Variants in CSGALNACT1 observed in about 807,000 individuals in gnomAD.
CSGALNACT1 encodes beta4GalNAcT-1.
In CSGALNACT1, 52 loss-of-function variants were observed where a neutral mutation model predicts 51.0. The observed-to-expected ratio is 1.02, with a 90% CI of 0.82 to 1.29. The LOEUF (loss-of-function observed/expected upper bound fraction) is 1.29. Ranked by LOEUF, CSGALNACT1 falls within the 50% of genes most tolerant of loss-of-function variation. CSGALNACT1 has a pLI of 0.00. For missense variants in CSGALNACT1, 935 were observed against 679.2 expected, an observed-to-expected ratio of 1.38 and a Z score of -4.19; for synonymous variants, 341 against 254.4, an observed-to-expected ratio of 1.34 and a Z score of -3.24.
chr8:19,658,359 AATTT>A (rs2058472895), intron 1 of CSGALNACT1, among the ~76,000 whole-genome samples: 2 of 152,298 alleles, frequency 1.3e-5, no homozygotes, highest in Admixed American at 6.5e-5. Flanking sequence ...TGATTAATAT[AATTT>A]ATTATTTCAC....
At position 19,669,448 on chromosome 8, in the gene CSGALNACT1, T is replaced by A. The variant is rs1589405743; in HGVS notation, c.-544+13025A>T. The stretch of plus-strand genomic sequence containing the variant: ...AAACCGTTTCTAATTTTTTTGTTGT[T>A]GTTTGTTTGGTTTTTATTTTGGAGA... On this transcript the variant is annotated intron_variant, in intron 1 of 9. Transcript: ENST00000332246. 3.3e-5 allele frequency among the ~76,000 whole-genome samples: 5 copies of A among 152,274 alleles called. No individual in the cohort carries two copies. The South Asian group carries it at 1.0e-3, about 32-fold the overall frequency.
At chr8:19,731,782 G>C (rs959248195) in intron 1 of CSGALNACT1, among the ~76,000 whole-genome samples, 1 of 152,104 alleles carries the variant, frequency 6.6e-6, no homozygotes, top group Non-Finnish European at 1.5e-5. Context: ...TCTAATTCTT[G>C]ATCAAGAAAC....
intron 1 of CSGALNACT1, among the ~76,000 whole-genome samples, chr8:19,679,890 T>C (rs1279625943): frequency 6.6e-6 from 1 of 152,216 alleles, no homozygotes; most frequent in Non-Finnish European, 1.5e-5. Flanking sequence ...GTGAGGAATG[T>C]GCACTGAATT....
intron 2 of CSGALNACT1, among the ~76,000 whole-genome samples, chr8:19,592,146 T>C (rs1466614772): frequency 2.0e-5 from 3 of 152,178 alleles, no homozygotes; most frequent in Non-Finnish European, 4.4e-5. Flanking sequence ...TAAAGGAATA[T>C]AGAGACGTAA....
intron 1 of CSGALNACT1, among the ~76,000 whole-genome samples, chr8:19,612,360 GA>G (rs201828754): frequency 1.4e-4 from 21 of 147,062 alleles, no homozygotes; most frequent in Admixed American, 2.7e-4. Context: ...AAAACTAATT[GA>G]AAAAAAAAAT....
At chr8:19,501,921 G>A (rs1033879063) in intron 4 of CSGALNACT1, among the ~76,000 whole-genome samples, 11 of 152,124 alleles carry the variant, frequency 7.2e-5, no homozygotes, top group African/African-American at 1.2e-4. Flanking sequence ...AAATTACTGC[G>A]ATTACGTAAG....
chr8:19,461,556 G>C (rs370621348), intron 4 of CSGALNACT1, among the ~76,000 whole-genome samples: 1,631 of 112,610 alleles, frequency 0.014, 9 homozygotes, highest in African/African-American at 0.051. Flanking sequence ...CATGGGGGGC[G>C]TATCCGCACA....
intron 6 of CSGALNACT1, among the ~76,000 whole-genome samples, chr8:19,422,208 G>T (rs115696583): frequency 1.9e-3 from 294 of 151,968 alleles, no homozygotes; most frequent in African/African-American, 7.0e-3. Context: ...TTTTCTTTTA[G>T]AGACAGGGTC....
Position 19,528,010 on chromosome 8 carries a change from C to T in CSGALNACT1, c.-296-21880G>A, listed in dbSNP as rs138804036. 7.2e-5 allele frequency among the ~76,000 whole-genome samples: 11 copies of T among 152,202 alleles called. No homozygotes were observed. In the East Asian group the frequency reaches 1.7e-3, roughly 24 times the overall value. On this transcript the variant is annotated intron_variant, in intron 3 of 9. Transcript: ENST00000454498. ...GGTGCTGAGTCTATAGGAACTCCAA[C>T]ATCAAACAGCCAGGAAGAGGAAATA...
intron 3 of CSGALNACT1, among the ~76,000 whole-genome samples, chr8:19,571,465 A>T (rs1305720749): frequency 6.7e-6 from 1 of 148,436 alleles, no homozygotes; most frequent in Non-Finnish European, 1.5e-5. Flanking sequence ...CCAAAACAAA[A>T]ACAAAAACAA....
chr8:19,699,031 T>A (rs1413589868), intron 1 of CSGALNACT1, among the ~76,000 whole-genome samples: 2 of 152,292 alleles, frequency 1.3e-5, no homozygotes, highest in African/African-American at 4.8e-5. Flanking sequence ...AGTGTATTGC[T>A]TTTTTCTTTT....
At chr8:19,667,024 GAAGGAAGGAAGGAAGGAAGA>G (rs1490143566) in intron 1 of CSGALNACT1, among the ~76,000 whole-genome samples, 1 of 26,612 alleles carries the variant, frequency 3.8e-5, no homozygotes, top group Admixed American at 4.3e-4. Context: ...AGAAAGGAAG[GAAGGAAGGAAGGAAGGAAGA>G]AAGAAAGAAA....
At chr8:19,739,967 T>A (rs748203164) in intron 1 of CSGALNACT1, among the ~76,000 whole-genome samples, 14 of 152,158 alleles carry the variant, frequency 9.2e-5, no homozygotes, top group Non-Finnish European at 8.8e-5. Flanking sequence ...AAACCAATGT[T>A]CTCTCTTTCT....
chr8:19,543,827 T>G (rs1283608569), intron 3 of CSGALNACT1, among the ~76,000 whole-genome samples: 1 of 152,174 alleles, frequency 6.6e-6, no homozygotes, highest in Non-Finnish European at 1.5e-5. Context: ...GTCCTCCTAG[T>G]AGGACTCAAA....
intron 6 of CSGALNACT1, among the ~76,000 whole-genome samples, chr8:19,433,083 TTTG>T (rs552500090): frequency 1.3e-5 from 2 of 152,340 alleles, no homozygotes; most frequent in East Asian, 3.9e-4. Context: ...TCCCAGGTTT[TTTG>T]TTGTTTGTTT....
chr8:19,595,879 TTTGA>T (rs2048784053), intron 2 of CSGALNACT1, among the ~76,000 whole-genome samples: 1 of 124,404 alleles, frequency 8.0e-6, no homozygotes. Context: ...TTTTTTTTTT[TTTGA>T]GACAGGGTCT....
intron 4 of CSGALNACT1, among the ~76,000 whole-genome samples, chr8:19,488,415 A>T (rs1348034705): frequency 9.6e-6 from 1 of 103,818 alleles, no homozygotes; most frequent in African/African-American, 3.5e-5. Context: ...ATATATATAT[A>T]GTTAGATCAG....
chr8:19,596,592 A>AC (rs1750151113), intron 2 of CSGALNACT1, among the ~76,000 whole-genome samples: 1 of 151,612 alleles, frequency 6.6e-6, no homozygotes, highest in African/African-American at 2.4e-5. Flanking sequence ...ACAAATTGTA[A>AC]GAAAAAAAAA....
chr8:19,462,688 C>A (rs751820566), intron 4 of CSGALNACT1, among the ~76,000 whole-genome samples: 1 of 152,170 alleles, frequency 6.6e-6, no homozygotes, highest in Non-Finnish European at 1.5e-5. Flanking sequence ...TGCTTTCTGT[C>A]TTCCACATAC....
Sources: allele counts gnomAD v4.1 joint callset (sites outside exome capture counted in the v4.1 genomes callset), GRCh38; gene constraint gnomAD v4.1.1; transcripts MANE v1.5; gene names NCBI Gene and HGNC (gene_info 2026-07-23, HGNC 2026-07-21).